Variants in APBA1 observed in about 807,000 individuals in gnomAD.
APBA1 encodes the protein amyloid beta precursor protein binding family A member 1.
In APBA1, 55 loss-of-function variants were observed where a neutral mutation model predicts 86.6. The ratio of observed to expected loss-of-function variants is 0.64; its 90% CI spans 0.51 to 0.80. The LOEUF (loss-of-function observed/expected upper bound fraction) is 0.80, where lower values mean the gene tolerates loss of function less well. APBA1 is among the 30% of genes least tolerant of loss of function. APBA1 has a pLI of 0.00. For synonymous variants in APBA1, 511 were observed against 493.9 expected, an observed-to-expected ratio of 1.03 and a Z score of -0.46; for missense variants, 1,090 against 1,183.0, an observed-to-expected ratio of 0.92 and a Z score of 1.15.
intron 1 of APBA1, among the ~76,000 whole-genome samples, chr9:69,614,360 T>G (rs913370884): frequency 6.6e-6 from 1 of 152,184 alleles, no homozygotes; most frequent in Non-Finnish European, 1.5e-5. Context: ...TTAAGCTCTA[T>G]GGTAAATTGT....
chr9:69,506,209 G>A (rs1421523903), intron 2 of APBA1, among the ~76,000 whole-genome samples: 11 of 151,776 alleles, frequency 7.2e-5, no homozygotes, highest in Middle Eastern at 3.2e-3. Flanking sequence ...CAGTGGGTGC[G>A]CGCACCGTGC....
chr9:69,434,418 C>CA (rs60462019), intron 11 of APBA1, among the ~76,000 whole-genome samples: 4,039 of 142,526 alleles, frequency 0.028, 124 homozygotes, highest in African/African-American at 0.082. Flanking sequence ...TGGCTTAAAA[C>CA]AAAAAAAAAA....
chr9:69,447,602 T>C (rs1834931434), intron 10 of APBA1, among the ~76,000 whole-genome samples: 1 of 152,168 alleles, frequency 6.6e-6, no homozygotes, highest in Non-Finnish European at 1.5e-5. Context: ...TACTGCCCCA[T>C]GGTCTGGCCT....
At chr9:69,620,413 G>T (rs71503676) in intron 1 of APBA1, among the ~76,000 whole-genome samples, 20,986 of 152,102 alleles carry the variant, frequency 0.14, 1,863 homozygotes, top group East Asian at 0.31. Context: ...AGGCATGGTG[G>T]CTCACACCTG....
chr9:69,475,050 G>A (rs554409624), intron 3 of APBA1, among the ~76,000 whole-genome samples: 18 of 152,282 alleles, frequency 1.2e-4, no homozygotes, highest in African/African-American at 3.1e-4. Context: ...AGATTATGGC[G>A]CAGACCAACA....
At chr9:69,463,225 C>T (rs1047264045) in intron 5 of APBA1, 1 of 152,122 alleles carries the variant, frequency 6.6e-6, no homozygotes, top group African/African-American at 2.4e-5. Context: ...TGTTACCTAA[C>T]ATTCTTTTTG....
intron 1 of APBA1, among the ~76,000 whole-genome samples, chr9:69,540,548 C>T (rs2133917208): frequency 1.3e-5 from 2 of 152,200 alleles, no homozygotes; most frequent in South Asian, 4.2e-4. Flanking sequence ...TCCCCTGCAA[C>T]CCCTGACAAC....
At chr9:69,618,308 T>C (rs1228518238) in intron 1 of APBA1, among the ~76,000 whole-genome samples, 1 of 152,230 alleles carries the variant, frequency 6.6e-6, no homozygotes, top group Admixed American at 6.5e-5. Context: ...GTGACTTTTC[T>C]AGGAACCACT....
chr9:69,616,797 A>T (rs1322939031), intron 1 of APBA1, among the ~76,000 whole-genome samples: 1 of 152,128 alleles, frequency 6.6e-6, no homozygotes, highest in East Asian at 1.9e-4. Flanking sequence ...GAAAATCAAA[A>T]CCCAAGGATG....
Position 69,633,398 on chromosome 9 carries a change from C to T in APBA1, c.-70+38755G>A, listed in dbSNP as rs984208455. Among the ~76,000 whole-genome samples, 3 of 152,120 alleles carry T rather than the reference C, an allele frequency of 2.0e-5. 1 individual carries two copies. In the South Asian group the frequency reaches 6.2e-4, roughly 32 times the overall value. On this transcript the variant is annotated intron_variant, in intron 1 of 12. Transcript: ENST00000265381. ...TGAAGGAAAGGTAGCACCTGGAATA[C>T]TTTCTATAAGCAGAAAGCAGCAGTT...
At chr9:69,624,854 C>A (rs1380589036) in intron 1 of APBA1, among the ~76,000 whole-genome samples, 1 of 152,168 alleles carries the variant, frequency 6.6e-6, no homozygotes, top group South Asian at 2.1e-4. Context: ...GCATCAAATT[C>A]TCTTTCTCCA....
intron 4 of APBA1, among the ~76,000 whole-genome samples, chr9:69,470,219 T>C (rs930515103): frequency 2.6e-5 from 4 of 152,190 alleles, no homozygotes; most frequent in African/African-American, 9.7e-5. Flanking sequence ...AAAGCCCCAA[T>C]TTCATAAGTT....
intron 1 of APBA1, among the ~76,000 whole-genome samples, chr9:69,593,044 G>C (rs1023662381): frequency 1.3e-5 from 2 of 152,182 alleles, no homozygotes; most frequent in African/African-American, 4.8e-5. Flanking sequence ...AAACTTGCTA[G>C]TCATTCAAAT....
At chr9:69,566,845 G>A (rs1485711264) in intron 1 of APBA1, among the ~76,000 whole-genome samples, 1 of 151,882 alleles carries the variant, frequency 6.6e-6, no homozygotes, top group Admixed American at 6.6e-5. Flanking sequence ...TCCCCTGCTT[G>A]GCTTTATATT....
At chr9:69,484,599 T>C (rs757016837) in intron 2 of APBA1, among the ~76,000 whole-genome samples, 2 of 152,198 alleles carry the variant, frequency 1.3e-5, no homozygotes, top group Non-Finnish European at 2.9e-5. Flanking sequence ...CTCATCTTGC[T>C]GAAGCTTCCG....
chr9:69,512,689 T>C (rs1836070905), intron 2 of APBA1, among the ~76,000 whole-genome samples: 4 of 152,176 alleles, frequency 2.6e-5, no homozygotes, highest in Non-Finnish European at 5.9e-5. Flanking sequence ...TTTTTTCCTT[T>C]AAATCAGTAG....
At chr9:69,448,294 TG>T (rs1165546774) in intron 10 of APBA1, among the ~76,000 whole-genome samples, 5 of 152,258 alleles carry the variant, frequency 3.3e-5, no homozygotes, top group Admixed American at 3.3e-4. Flanking sequence ...ACATGCACAC[TG>T]GCAAGCCAGC....
At chr9:69,602,869 A>G (rs1822381822) in intron 1 of APBA1, among the ~76,000 whole-genome samples, 1 of 152,216 alleles carries the variant, frequency 6.6e-6, no homozygotes, top group African/African-American at 2.4e-5. Flanking sequence ...ACATGCAAGA[A>G]AAAGAATATG....
intron 1 of APBA1, among the ~76,000 whole-genome samples, chr9:69,546,115 T>C (rs1471264589): frequency 6.6e-6 from 1 of 152,226 alleles, no homozygotes; most frequent in East Asian, 1.9e-4. Flanking sequence ...GAGAATGCAA[T>C]CTGAAAATGA....
Sources: allele counts gnomAD v4.1 joint callset (sites outside exome capture counted in the v4.1 genomes callset), GRCh38; gene constraint gnomAD v4.1.1; transcripts MANE v1.5; gene names NCBI Gene and HGNC (gene_info 2026-07-23, HGNC 2026-07-21).